The following LGSN variants were observed in gnomAD, a reference collection of about 807,000 sequenced individuals.
LGSN encodes lengsin, lens protein with glutamine synthetase domain.
Under a neutral mutation model 19.5 loss-of-function variants are expected in LGSN, and 21 were observed. That is an observed-to-expected ratio of 1.07 (90% CI 0.76 to 1.55). LGSN has a LOEUF of 1.55. Among genes scored for constraint, LGSN ranks in the 40% most tolerant of loss-of-function variants. The probability of loss-of-function intolerance (pLI) is 0.00; values close to 1 mark genes in which losing one functional copy is unlikely to be tolerated. For synonymous variants in LGSN, 257 were observed against 215.6 expected (o/e 1.19, Z -1.68); for missense variants, 673 against 608.5 (o/e 1.11, Z -1.12).
the LGSN span, among the ~76,000 whole-genome samples, chr6:63,329,748 A>T: frequency 2.9e-3 from 448 of 152,280 alleles, 3 homozygotes; most frequent in African/African-American, 0.01. Context: ...CTCATGCAGA[A>T]AATAGCTCCA....
chr6:63,407,676 C>T, the LGSN span, among the ~76,000 whole-genome samples: 1 of 152,088 alleles, frequency 6.6e-6, no homozygotes, highest in Admixed American at 6.6e-5. Flanking sequence ...GAAGTTCTGG[C>T]CAGGGCAATT....
Position 63,280,472 on chromosome 6 carries a change from G to T in LGSN, c.1079C>A (p.Ala360Glu), listed in dbSNP as rs770094043. 1.9e-6 allele frequency: 3 copies of T among 1,614,066 alleles called. No individual in the cohort carries two copies. Among genetic ancestry groups the T allele is most frequent in the East Asian group, 2.2e-5 (1 of 44,884 alleles). The change falls in exon 4 of 4, where the codon GCG becomes GAG. Residue 360 changes from alanine to glutamate, a missense_variant. Ala to Glu is a moderately radical substitution (Grantham distance 107). Coordinates refer to ENST00000370657, the MANE Select transcript of LGSN (RefSeq NM_016571.3). ...KHSAALSCLM[A>E]PSVSCRKRYS... is the part of the protein sequence containing the mutation. Reference sequence around the variant, plus strand: ...ACGCTTTCGGCAGCTAACAGAAGGCGCCATCAGGCAGCTGAGCGCAGCAGA... The same window carrying T: ...ACGCTTTCGGCAGCTAACAGAAGGCTCCATCAGGCAGCTGAGCGCAGCAGA...
chr6:63,555,920 G>T, the LGSN span, among the ~76,000 whole-genome samples: 1 of 151,868 alleles, frequency 6.6e-6, no homozygotes, highest in Admixed American at 6.6e-5. Flanking sequence ...CGAACTCCTG[G>T]CCTCAAGTGA....
chr6:63,454,565 C>T, the LGSN span, among the ~76,000 whole-genome samples: 5 of 150,532 alleles, frequency 3.3e-5, no homozygotes, highest in South Asian at 6.3e-4. Context: ...CTCCGCCTCC[C>T]GGGTTCAAGC....
chr6:63,350,150 A>C, the LGSN span, among the ~76,000 whole-genome samples: 1 of 152,248 alleles, frequency 6.6e-6, no homozygotes, highest in African/African-American at 2.4e-5. Flanking sequence ...CAACCTAATA[A>C]TTAACTCATG....
the LGSN span, among the ~76,000 whole-genome samples, chr6:63,554,481 T>C: frequency 6.6e-6 from 1 of 152,112 alleles, no homozygotes; most frequent in Non-Finnish European, 1.5e-5. Context: ...AGCCTTCCCA[T>C]AGCACACAAT....
At chr6:63,296,670 A>G (rs778241915) in intron 1 of LGSN, among the ~76,000 whole-genome samples, 11 of 152,106 alleles carry the variant, frequency 7.2e-5, no homozygotes, top group Non-Finnish European at 1.0e-4. Context: ...CATAAACTTT[A>G]ACATCTCTTT....
the LGSN span, among the ~76,000 whole-genome samples, chr6:63,355,011 G>A: frequency 6.6e-6 from 1 of 152,094 alleles, no homozygotes; most frequent in African/African-American, 2.4e-5. Context: ...GGGTGTAGGG[G>A]AGGAAAAAGA....
the LGSN span, among the ~76,000 whole-genome samples, chr6:63,557,618 A>C: frequency 8.7e-3 from 1,326 of 152,232 alleles, 24 homozygotes; most frequent in African/African-American, 0.03. Flanking sequence ...TAGCAAGAGA[A>C]AATTCCAGGT....
chr6:63,490,607 C>T, the LGSN span, among the ~76,000 whole-genome samples: 1 of 151,772 alleles, frequency 6.6e-6, no homozygotes, highest in African/African-American at 2.4e-5. Context: ...GACAGAGTCT[C>T]ATTCTGTTTC....
At chr6:63,475,735 A>G in the LGSN span, among the ~76,000 whole-genome samples, 2 of 152,322 alleles carry the variant, frequency 1.3e-5, no homozygotes, top group Non-Finnish European at 2.9e-5. Context: ...TTTAAAAAAG[A>G]AGAAGCAGCA....
the LGSN span, among the ~76,000 whole-genome samples, chr6:63,487,811 T>C: frequency 6.6e-6 from 1 of 152,048 alleles, no homozygotes; most frequent in East Asian, 1.9e-4. Context: ...TGAAACCCCA[T>C]CTCTATTAAA....
At chr6:63,511,291 T>C in the LGSN span, among the ~76,000 whole-genome samples, 4 of 151,000 alleles carry the variant, frequency 2.6e-5, no homozygotes, top group Non-Finnish European at 5.9e-5. Context: ...TTCACTCTTG[T>C]AGCCCAGGCT....
chr6:63,407,307 A>G, the LGSN span, among the ~76,000 whole-genome samples: 1 of 152,138 alleles, frequency 6.6e-6, no homozygotes, highest in Non-Finnish European at 1.5e-5. Flanking sequence ...CAAATCCAGC[A>G]GCACATCAAA....
chr6:63,463,487 T>C, the LGSN span, among the ~76,000 whole-genome samples: 3 of 152,172 alleles, frequency 2.0e-5, no homozygotes, highest in Non-Finnish European at 2.9e-5. Flanking sequence ...TTCCTATAGA[T>C]TGTTATAAAT....
the LGSN span, among the ~76,000 whole-genome samples, chr6:63,405,554 C>G: frequency 6.6e-6 from 1 of 152,098 alleles, no homozygotes; most frequent in Admixed American, 6.6e-5. Flanking sequence ...CTCTGATGGC[C>G]AGTGATGGTG....
chr6:63,419,775 C>G, the LGSN span, among the ~76,000 whole-genome samples: 1 of 150,432 alleles, frequency 6.6e-6, no homozygotes, highest in Non-Finnish European at 1.5e-5. Flanking sequence ...ATAATCCCAG[C>G]TACTCGGGAG....
the LGSN span, among the ~76,000 whole-genome samples, chr6:63,359,314 C>T: frequency 2.0e-5 from 3 of 152,134 alleles, no homozygotes; most frequent in Non-Finnish European, 4.4e-5. Context: ...TGTGTCTCTG[C>T]CCAGCTTTGG....
chr6:63,459,891 C>T, the LGSN span, among the ~76,000 whole-genome samples: 1 of 151,954 alleles, frequency 6.6e-6, no homozygotes, highest in African/African-American at 2.4e-5. Flanking sequence ...AGCAAAACTC[C>T]ATCTCAAAAA....
Sources: allele counts gnomAD v4.1 joint callset (sites outside exome capture counted in the v4.1 genomes callset), GRCh38; gene constraint gnomAD v4.1.1; transcripts MANE v1.5; gene names NCBI Gene and HGNC (gene_info 2026-07-23, HGNC 2026-07-21).